The following RPL19 variants were observed in gnomAD, a reference collection of about 807,000 sequenced individuals.
RPL19 encodes large ribosomal subunit protein eL19.
Under a neutral mutation model 25.1 loss-of-function variants are expected in RPL19, and 2 were observed. The observed-to-expected ratio is 0.08, with a 90% CI of 0.03 to 0.25. The LOEUF (loss-of-function observed/expected upper bound fraction) is 0.25. Ranked by LOEUF, RPL19 falls within the 10% of genes least tolerant of loss-of-function variation. The pLI is 1.00. For missense variants in RPL19, 123 were observed against 271.8 expected (o/e 0.45, Z 3.85); for synonymous variants, 89 against 91.2 (o/e 0.98, Z 0.14).
intron 1 of RPL19, 196 bp downstream of exon 1, chr17:39,200,545 A>G (rs1272200903): frequency 3.8e-6 from 5 of 1,299,776 alleles, no homozygotes; most frequent in Non-Finnish European, 4.9e-6. Context: ...GCAGCAACTG[A>G]GACCAGGAAA....
chr17:39,202,308 C>T lies in RPL19; in HGVS notation c.113-9C>T, dbSNP rs1308631096. On this transcript the variant is annotated splice_polypyrimidine_tract_variant and intron_variant, in intron 2 of 5. Transcript: ENST00000225430. ...CAGTTGACTGACCAGGTGCATTATG[C>T]TTTCCCAGGTCAGCAGATCCGGAAG... 1 of 1,613,218 alleles carries T rather than the reference C, an allele frequency of 6.2e-7. No homozygotes were observed. The highest frequency in any genetic ancestry group is 8.5e-7 in the Non-Finnish European group (1 of 1,179,862).
rs200815027 is a variant in RPL19, at chr17:39,202,978, C to T, written c.236-11C>T. On this transcript the variant is annotated splice_polypyrimidine_tract_variant and intron_variant, in intron 3 of 5. Transcript: ENST00000225430. The stretch of plus-strand genomic sequence containing the variant: ...GGGTAGTGGCCCGTTCCTAACTCAT[C>T]TTCTCCACAGGTAAGCGGAAGGGTA... 373 of 1,613,828 alleles carry T rather than the reference C, an allele frequency of 2.3e-4. No homozygotes were observed. In the African/African-American group the frequency reaches 3.5e-3, roughly 15 times the overall value.
intron 2 of RPL19, 119 bp from the exon 3 acceptor site, chr17:39,202,198 T>A: frequency 8.0e-7 from 1 of 1,254,708 alleles, no homozygotes; most frequent in Non-Finnish European, 1.1e-6. Flanking sequence ...TTCCAGTGTT[T>A]CCATCCTTTT....
intron 1 of RPL19, chr17:39,200,708 C>G: frequency 9.2e-7 from 1 of 1,086,702 alleles, no homozygotes; most frequent in South Asian, 3.6e-5. Context: ...TAGGGCAAGC[C>G]TAGTGTAGGC....
chr17:39,200,378 C>T lies in RPL19; in HGVS notation c.5+29C>T, dbSNP rs2046277406. 3 of 1,553,512 alleles carry T rather than the reference C, an allele frequency of 1.9e-6. No individual in the cohort carries two copies. In the East Asian group the frequency reaches 7.2e-5, roughly 38 times the overall value. ...AGGGCGAGCTGGTCTCCATCAGGCG[C>T]TGACGCGTGTCGACAAGGGACTGTC... On this transcript the variant is annotated intron_variant, in intron 1 of 5. Transcript: ENST00000225430.
rs1237997081 is a variant in RPL19 at position 39,203,102 on chromosome 17, C to T, written c.349C>T (p.Arg117Cys). 7 of 1,612,510 alleles carry T rather than the reference C, an allele frequency of 4.3e-6. No homozygotes were observed. In the Admixed American group the frequency reaches 6.7e-5, roughly 15 times the overall value. ...RRYRESKKID[R>C]HMYHSLYLKV... is the part of the protein sequence containing the mutation. ...ATACCGTGAATCTAAGAAGATCGAT[C>T]GCCACATGTAAGCACACCCTCTTGG... Residue 117 changes from arginine to cysteine, a missense_variant, in exon 4 of 6, where the codon CGC becomes TGC. Physicochemically the swap from Arg to Cys is radical, Grantham distance 180 (BLOSUM62 -3). Transcript: ENST00000225430.
chr17:39,202,815 CGAAA>C (rs2046300383), intron 3 of RPL19, 170 bp from the exon 4 acceptor site: 8 of 698,308 alleles, frequency 1.1e-5, no homozygotes, highest in Non-Finnish European at 1.9e-5. Flanking sequence ...ATTGAGTAAA[CGAAA>C]GAACTTACGT....
chr17:39,201,400 CTTTTT>C (rs111516501), intron 2 of RPL19, 81 bp downstream of exon 2: 11 of 619,596 alleles, frequency 1.8e-5, no homozygotes, highest in African/African-American at 4.0e-5. Context: ...ATTGTGTTGA[CTTTTT>C]TTTTTTTTTT....
Position 39,204,519 on chromosome 17 carries a change from G to A in RPL19, c.468-6G>A, listed in dbSNP as rs917054179. 1.9e-6 allele frequency: 3 copies of A among 1,613,986 alleles called. No homozygotes were observed. The highest frequency in any genetic ancestry group is 1.6e-4 in the Middle Eastern group (1 of 6,062). ...AACTGACCCGTCTTTTCTCTTCCCTGACCAGTGACCAGGCTGAGGCCCGCA... is the reference window on the plus strand; with the variant it reads ...AACTGACCCGTCTTTTCTCTTCCCTAACCAGTGACCAGGCTGAGGCCCGCA... On this transcript the variant is annotated splice_region_variant and splice_polypyrimidine_tract_variant and intron_variant, in intron 5 of 5. Transcript: ENST00000225430.
chr17:39,202,758 G>A, intron 3 of RPL19: 1 of 465,316 alleles, frequency 2.1e-6, no homozygotes, highest in Non-Finnish European at 3.8e-6. Flanking sequence ...CCCACATTCT[G>A]CATGAAGTGA....
chr17:39,202,876 A>G, intron 3 of RPL19, 113 bp from the exon 4 acceptor site: 1 of 1,148,940 alleles, frequency 8.7e-7, no homozygotes, highest in Non-Finnish European at 1.3e-6. Context: ...ACTTAAAATG[A>G]GGTTGTGAGG....
intron 5 of RPL19, 110 bp downstream of exon 5, chr17:39,204,297 T>G (rs1406251263): frequency 7.1e-6 from 6 of 850,028 alleles, no homozygotes; most frequent in Non-Finnish European, 1.2e-5. Context: ...TAGTCTGTCT[T>G]AGGAATACAG....
chr17:39,204,222 T>G lies in RPL19; in HGVS notation c.467+35T>G, dbSNP rs747102764. On this transcript the variant is annotated intron_variant, in intron 5 of 5. Coordinates refer to ENST00000225430, the MANE Select transcript of RPL19 (RefSeq NM_000981.4). ...TTTTCAGAGTCTTAGGGGAACATTC[T>G]TAGACCTTTGAGAGTTGTTCTTAGA... 3 of 1,308,714 alleles carry G rather than the reference T, an allele frequency of 2.3e-6. No homozygotes were observed. The South Asian group carries it at 3.5e-5, about 15-fold the overall frequency. The allele number at this position is 1,308,714 out of a possible 1,614,324, so 81.1% of individuals were successfully genotyped here.
At position 39,204,659 on chromosome 17, in the gene RPL19, T is replaced by G. The variant is rs748136808; in HGVS notation, c.*11T>G. ...GAGACCAAGAAATAAAACCTCCCAC[T>G]TTGTCTGTACATACTGGCCTCTGTG... On this transcript the variant is annotated 3_prime_UTR_variant, in exon 6 of 6. Transcript: ENST00000225430. The G allele has an allele frequency of 6.2e-7, 1 of 1,613,438 alleles. No homozygotes were observed. Among genetic ancestry groups the G allele is most frequent in the Non-Finnish European group, 8.5e-7 (1 of 1,179,580 alleles).
intron 2 of RPL19, among the ~76,000 whole-genome samples, chr17:39,201,655 C>T (rs2046290879): frequency 2.6e-5 from 4 of 152,150 alleles, no homozygotes. Context: ...TCACCGCAAC[C>T]TCTGCCTCCC....
At chr17:39,204,443 G>GGA (rs2046310676) in intron 5 of RPL19, 82 bp from the exon 6 acceptor site, 3 of 1,531,652 alleles carry the variant, frequency 2.0e-6, no homozygotes, top group Non-Finnish European at 2.7e-6. Flanking sequence ...AGGCTCAAAG[G>GGA]GAGAGGTCTG....
intron 1 of RPL19, among the ~76,000 whole-genome samples, chr17:39,200,962 A>T (rs2046282864): frequency 1.3e-5 from 2 of 152,168 alleles, no homozygotes; most frequent in African/African-American, 4.8e-5. Context: ...TATTCAATCC[A>T]ATAAGTCCTT....
chr17:39,202,384 G>C lies in RPL19; in HGVS notation c.180G>C (p.Arg60=). ...GCAAGCCTGTGACGGTCCATTCCCGGGCTCGATGCCGGAAAAACACCTTGG... is the reference window on the plus strand; with the variant it reads ...GCAAGCCTGTGACGGTCCATTCCCGCGCTCGATGCCGGAAAAACACCTTGG... ...IIRKPVTVHS[R]ARCRKNTLAR... The change falls in exon 3 of 6, where the codon CGG becomes CGC. Residue 60 remains arginine (R), a synonymous_variant. Coordinates refer to ENST00000225430, the MANE Select transcript of RPL19 (RefSeq NM_000981.4). 6.2e-7 allele frequency: 1 copy of C among 1,614,214 alleles called. No individual in the cohort carries two copies. The highest frequency in any genetic ancestry group is 8.5e-7 in the Non-Finnish European group (1 of 1,180,030).
At position 39,200,922 on chromosome 17, in the gene RPL19, C is replaced by A. The variant is rs184714962; in HGVS notation, c.6-291C>A. On this transcript the variant is annotated intron_variant, in intron 1 of 5. Transcript: ENST00000225430. ...CTACTCACCTCGAATATTCTTTAAA[C>A]GCTGAGTACCAGAAATGGCATAACC... 2.6e-3 allele frequency among the ~76,000 whole-genome samples: 402 copies of A among 152,294 alleles called. 3 individuals are homozygous for A. The highest frequency in any genetic ancestry group is 9.3e-3 in the African/African-American group (386 of 41,560).
Sources: gnomAD v4.1 joint callset for allele counts (sites outside exome capture counted in the v4.1 genomes callset) on GRCh38, gnomAD v4.1.1 for gene constraint, MANE v1.5 for transcripts, NCBI Gene and HGNC (gene_info 2026-07-23, HGNC 2026-07-21) for gene names.